Variants in PARD3B observed in about 807,000 individuals in gnomAD.
The protein encoded by PARD3B is par-3 family cell polarity regulator beta.
A neutral mutation model predicts 130.2 loss-of-function variants in PARD3B; 103 were observed. That is an observed-to-expected ratio of 0.79 (90% CI 0.67 to 0.93). PARD3B has a LOEUF of 0.93. Among genes scored for constraint, PARD3B ranks in the 40% least tolerant of loss-of-function variants. The pLI is 0.00. For missense variants in PARD3B, 1,609 were observed against 1,499.2 expected, an observed-to-expected ratio of 1.07 and a Z score of -1.21; for synonymous variants, 583 against 553.2, an observed-to-expected ratio of 1.05 and a Z score of -0.76.
chr2:205,271,736 A>G (rs1454614232), intron 16 of PARD3B, among the ~76,000 whole-genome samples: 2 of 152,234 alleles, frequency 1.3e-5, no homozygotes, highest in Admixed American at 1.3e-4. Context: ...GTTGGAAACC[A>G]CTATCCTCAA....
At chr2:205,543,518 T>G (rs998484107) in intron 21 of PARD3B, among the ~76,000 whole-genome samples, 2 of 152,144 alleles carry the variant, frequency 1.3e-5, no homozygotes, top group African/African-American at 4.8e-5. Context: ...CAGTTCTTCA[T>G]TTAGGAAACA....
intron 20 of PARD3B, among the ~76,000 whole-genome samples, chr2:205,447,799 C>G (rs1167295632): frequency 6.6e-6 from 1 of 152,234 alleles, no homozygotes; most frequent in African/African-American, 2.4e-5. Context: ...TGGCATACTT[C>G]AGTGACAAAA....
chr2:204,828,540 G>A (rs763902318), intron 2 of PARD3B, among the ~76,000 whole-genome samples: 1 of 152,104 alleles, frequency 6.6e-6, no homozygotes, highest in Non-Finnish European at 1.5e-5. Flanking sequence ...CTTTACTTAC[G>A]TCTCTGCTGA....
chr2:205,238,849 A>AAAAAATATATATATAT (rs1273582854), intron 15 of PARD3B, among the ~76,000 whole-genome samples: 2 of 76,904 alleles, frequency 2.6e-5, no homozygotes, highest in Non-Finnish European at 4.6e-5. Flanking sequence ...AAAAAAAAAA[A>AAAAAATATATATATAT]ATATATATAT....
In PARD3B at chr2:205,237,291, G is replaced by A. The variant is rs146283478; in HGVS notation, c.2141-8487G>A. On this transcript the variant is annotated intron_variant, in intron 15 of 22. Coordinates refer to ENST00000406610, the MANE Select transcript of PARD3B (RefSeq NM_001302769.2). ...ATTTTTTTATATTTTCAGTAGAGAC[G>A]GGGTTTCACCATGTTGACCAGGCTA... Among the ~76,000 whole-genome samples the A allele has an allele frequency of 2.6e-3, 397 of 152,066 alleles. 4 individuals are homozygous for A. The highest frequency in any genetic ancestry group is 0.01 in the East Asian group (54 of 5,150).
In PARD3B at chr2:205,015,960, C is replaced by G. The variant is rs922141818; in HGVS notation, c.395-31621C>G. ...CTCCACCTGAGGCCACCACTCCCAA[C>G]AGTTACACTGAAGTTGATTTGCCTG... On this transcript the variant is annotated intron_variant, in intron 3 of 22. Coordinates refer to ENST00000406610, the MANE Select transcript of PARD3B (RefSeq NM_001302769.2). This position sits in a 1 kb window ranked among gnomAD's most constrained non-coding sequence, Gnocchi z 4.5. 1.2e-4 allele frequency among the ~76,000 whole-genome samples: 18 copies of G among 152,140 alleles called. No individual in the cohort carries two copies. The highest frequency in any genetic ancestry group is 4.1e-4 in the African/African-American group (17 of 41,438).
At chr2:204,630,493 T>C (rs2034640973) in intron 1 of PARD3B, among the ~76,000 whole-genome samples, 1 of 152,166 alleles carries the variant, frequency 6.6e-6, no homozygotes, top group Non-Finnish European at 1.5e-5. Context: ...ATACTTGGTT[T>C]TGCTGAACAA....
intron 2 of PARD3B, among the ~76,000 whole-genome samples, chr2:204,807,590 A>C (rs961497154): frequency 3.9e-5 from 6 of 152,126 alleles, no homozygotes; most frequent in Admixed American, 6.6e-5. Context: ...TTCGGAAGCT[A>C]CCCAAGGATT....
chr2:205,127,314 A>AG (rs1451240926), intron 10 of PARD3B, among the ~76,000 whole-genome samples: 1 of 150,782 alleles, frequency 6.6e-6, no homozygotes, highest in Non-Finnish European at 1.5e-5. Context: ...AAAAAAAAAA[A>AG]GGAAAAAGAA....
At chr2:204,591,333 A>G (rs1275799104) in intron 1 of PARD3B, among the ~76,000 whole-genome samples, 2 of 152,214 alleles carry the variant, frequency 1.3e-5, no homozygotes, top group African/African-American at 2.4e-5. Context: ...TGAAATGAGC[A>G]TCTTACTAAA....
chr2:205,193,292 T>G lies in PARD3B; in HGVS notation c.2112T>G (p.Asn704Lys). 2 of 1,612,486 alleles carry G rather than the reference T, an allele frequency of 1.2e-6. No homozygotes were observed. Among genetic ancestry groups the G allele is most frequent in the Non-Finnish European group, 1.7e-6 (2 of 1,178,512 alleles). ...CGGCCAGGCAGCCTGAATCAATTAA[T>G]TTGAAAGCCTCGAAGAGCATGGACC... is the stretch of plus-strand genomic sequence containing the variant. ...VTPARQPESINLKASKSMDLV... is the reference protein window; with the variant it reads ...VTPARQPESIKLKASKSMDLV... The change falls in exon 15 of 23, where the codon AAT becomes AAG. Residue 704 changes from asparagine (N) to lysine (K), a missense_variant. By Grantham distance (94) the Asn-to-Lys change is moderately conservative. Coordinates refer to ENST00000406610, the MANE Select transcript of PARD3B (RefSeq NM_001302769.2).
At chr2:205,084,121 TG>T (rs1701601798) in intron 4 of PARD3B, among the ~76,000 whole-genome samples, 1 of 152,182 alleles carries the variant, frequency 6.6e-6, no homozygotes, top group African/African-American at 2.4e-5. Context: ...GATCAGTTTG[TG>T]TGCAATAGAA....
At position 204,584,203 on chromosome 2, in the gene PARD3B, A is replaced by G. The variant is rs144108204; in HGVS notation, c.120+38084A>G. Among the ~76,000 whole-genome samples the G allele has an allele frequency of 3.9e-5, 6 of 152,274 alleles. No homozygotes were observed. The East Asian group carries it at 1.2e-3, about 29-fold the overall frequency. ...AGAGGTAGCAGGAGACTCCAATGTG[A>G]TGGGGATGGAGATGGGGCAATAGGG... On this transcript the variant is annotated intron_variant, in intron 1 of 22. Coordinates refer to ENST00000406610, the MANE Select transcript of PARD3B (RefSeq NM_001302769.2).
At chr2:205,569,316 C>T (rs2053478136) in intron 22 of PARD3B, among the ~76,000 whole-genome samples, 1 of 151,952 alleles carries the variant, frequency 6.6e-6, no homozygotes, top group African/African-American at 2.4e-5. Flanking sequence ...TTTAGTTTAA[C>T]TTAAGCTATC....
At chr2:205,578,379 C>A (rs927649041) in intron 22 of PARD3B, among the ~76,000 whole-genome samples, 1 of 152,126 alleles carries the variant, frequency 6.6e-6, no homozygotes, top group Admixed American at 6.6e-5. Context: ...AGATCCCCCC[C>A]AAAAAAGAAA....
chr2:204,966,269 A>G (rs925345224), intron 3 of PARD3B, among the ~76,000 whole-genome samples: 1 of 152,190 alleles, frequency 6.6e-6, no homozygotes, highest in Non-Finnish European at 1.5e-5. Context: ...ATTTTTGGAA[A>G]AGCATCTGTA....
Position 205,121,773 on chromosome 2 carries a change from C to A in PARD3B, c.989C>A (p.Thr330Lys). 6.2e-7 allele frequency: 1 copy of A among 1,614,108 alleles called. No homozygotes were observed. Among genetic ancestry groups the A allele is most frequent in the Non-Finnish European group, 8.5e-7 (1 of 1,180,034 alleles). ...GTCCATGGAAAATCGGGACTAAAGA[C>A]AGCAAATCTCACAGGAACCGATAGT... is the stretch of plus-strand genomic sequence containing the variant. ...PPVHGKSGLK[T>K]ANLTGTDSPE... Residue 330 changes from threonine to lysine, a missense_variant, in exon 8 of 23, where the codon ACA (threonine) becomes AAA (lysine). By Grantham distance (78) the Thr-to-Lys change is moderately conservative (BLOSUM62 -1). Transcript: ENST00000406610. The surrounding 1 kb of genome is among the most constrained non-coding windows in gnomAD (Gnocchi z 5.0).
chr2:205,091,760 C>A lies in PARD3B; in HGVS notation c.505-12666C>A, dbSNP rs1702124409. 6.6e-6 allele frequency among the ~76,000 whole-genome samples: 1 copy of A among 152,018 alleles called. No individual in the cohort carries two copies. Among genetic ancestry groups the A allele is most frequent in the Non-Finnish European group, 1.5e-5 (1 of 67,990 alleles). Reference sequence around the variant, plus strand: ...GAATTATAGAACATGCAAAGGGGAACAGTAGACGGGCCATTCATTAGTATC... The same window carrying A: ...GAATTATAGAACATGCAAAGGGGAAAAGTAGACGGGCCATTCATTAGTATC... On this transcript the variant is annotated intron_variant, in intron 4 of 22. Coordinates refer to ENST00000406610, the MANE Select transcript of PARD3B (RefSeq NM_001302769.2). This position sits in a 1 kb window ranked among gnomAD's most constrained non-coding sequence, Gnocchi z 4.2.
At chr2:204,573,255 C>G (rs1053702461) in intron 1 of PARD3B, among the ~76,000 whole-genome samples, 4 of 152,202 alleles carry the variant, frequency 2.6e-5, no homozygotes. Context: ...CTCTTGATAT[C>G]TTTTCCACTA....
Sources: gnomAD v4.1 joint callset for allele counts (sites outside exome capture counted in the v4.1 genomes callset) on GRCh38, gnomAD v4.1.1 for gene constraint, Gnocchi (gnomAD v3.1) non-coding constraint, MANE v1.5 for transcripts, NCBI Gene and HGNC (gene_info 2026-07-23, HGNC 2026-07-21) for gene names.